The following ADCY9 variants were observed in gnomAD, a reference collection of about 807,000 sequenced individuals.
ADCY9 encodes the protein adenylate cyclase 9.
Under a neutral mutation model 101.5 loss-of-function variants are expected in ADCY9, and 50 were observed. The observed-to-expected ratio is 0.49, with a 90% CI of 0.39 to 0.62. The LOEUF (loss-of-function observed/expected upper bound fraction) is 0.62, where lower values mean the gene tolerates loss of function less well. Among genes scored for constraint, ADCY9 ranks in the 20% least tolerant of loss-of-function variants. The pLI, the probability that ADCY9 is intolerant of heterozygous loss-of-function variation, is 0.00. For missense variants in ADCY9, 1,662 were observed against 1,800.4 expected (o/e 0.92, Z 1.39); for synonymous variants, 905 against 769.3 (o/e 1.18, Z -2.92).
chr16:4,038,477 G>A (rs900280413), intron 2 of ADCY9, among the ~76,000 whole-genome samples: 1 of 152,092 alleles, frequency 6.6e-6, no homozygotes, highest in East Asian at 1.9e-4. Context: ...CCAATGCCAA[G>A]GCCTCGATCC....
At chr16:3,968,991 G>C (rs538242246) in intron 10 of ADCY9, among the ~76,000 whole-genome samples, 1 of 152,136 alleles carries the variant, frequency 6.6e-6, no homozygotes, top group East Asian at 1.9e-4. Flanking sequence ...GACTACAGGT[G>C]CACGCCACCA....
downstream of ADCY9, among the ~76,000 whole-genome samples, chr16:3,961,639 G>T (rs373298640): frequency 6.6e-6 from 1 of 152,054 alleles, no homozygotes; most frequent in African/African-American, 2.4e-5. Context: ...CTGCACCCCC[G>T]CAAGTCCATG....
At chr16:4,003,015 T>C (rs2056341394) in intron 3 of ADCY9, among the ~76,000 whole-genome samples, 1 of 152,182 alleles carries the variant, frequency 6.6e-6, no homozygotes, top group Non-Finnish European at 1.5e-5. Flanking sequence ...TGAGCCCAGT[T>C]GGGTTTTCTT....
At chr16:4,001,008 C>CACACACACAT (rs3222326) in intron 3 of ADCY9, among the ~76,000 whole-genome samples, 1,685 of 135,546 alleles carry the variant, frequency 0.012, 16 homozygotes, top group Admixed American at 0.023. Context: ...CACACACACA[C>CACACACACAT]ATATATAATT....
At chr16:4,030,114 T>G (rs1032790959) in intron 2 of ADCY9, among the ~76,000 whole-genome samples, 1 of 152,120 alleles carries the variant, frequency 6.6e-6, no homozygotes, top group Non-Finnish European at 1.5e-5. Context: ...CCGATGGAAG[T>G]TGAAGACACT....
At chr16:4,010,338 T>C (rs1490184456) in intron 2 of ADCY9, among the ~76,000 whole-genome samples, 1 of 152,180 alleles carries the variant, frequency 6.6e-6, no homozygotes, top group Admixed American at 6.5e-5. Flanking sequence ...CAGGGAGGCC[T>C]GAAGAGCTGG....
intron 2 of ADCY9, among the ~76,000 whole-genome samples, chr16:4,027,510 A>C (rs2056524187): frequency 6.6e-6 from 1 of 152,228 alleles, no homozygotes; most frequent in Non-Finnish European, 1.5e-5. Context: ...GCAGAGGGCA[A>C]GGAGGAGCAA....
At chr16:4,027,855 T>C (rs1252365692) in intron 2 of ADCY9, among the ~76,000 whole-genome samples, 1 of 145,682 alleles carries the variant, frequency 6.9e-6, no homozygotes, top group Non-Finnish European at 1.5e-5. Flanking sequence ...CCAGCCTGGG[T>C]GACAAGAGCA....
At chr16:4,097,487 T>TATATATATATATATATACAC (rs76750792) in intron 2 of ADCY9, among the ~76,000 whole-genome samples, 1 of 72,506 alleles carries the variant, frequency 1.4e-5, no homozygotes, top group Non-Finnish European at 2.7e-5. Flanking sequence ...TATATATATA[T>TATATATATATATATATACAC]ACACACACAC....
At chr16:3,989,377 T>A (rs1467897510) in intron 5 of ADCY9, among the ~76,000 whole-genome samples, 2 of 150,300 alleles carry the variant, frequency 1.3e-5, no homozygotes, top group African/African-American at 4.9e-5. Context: ...CTTGGTTTTT[T>A]GGGGTTTTTT....
chr16:4,081,202 C>T (rs1396011500), intron 2 of ADCY9, among the ~76,000 whole-genome samples: 1 of 152,176 alleles, frequency 6.6e-6, no homozygotes, highest in Non-Finnish European at 1.5e-5. Flanking sequence ...CACATCTGCT[C>T]TCGTGGAACA....
chr16:4,094,234 G>A (rs757859729), intron 2 of ADCY9, among the ~76,000 whole-genome samples: 2 of 152,038 alleles, frequency 1.3e-5, no homozygotes, highest in East Asian at 3.9e-4. Context: ...CACGGAGTCA[G>A]TCACTCACTT....
chr16:4,078,024 A>C (rs1267291915), intron 2 of ADCY9, among the ~76,000 whole-genome samples: 1 of 152,010 alleles, frequency 6.6e-6, no homozygotes, highest in Non-Finnish European at 1.5e-5. Context: ...ATTCAGACAC[A>C]ATAAGCATTC....
chr16:4,049,571 A>AAG lies in ADCY9; in HGVS notation c.1694-42015_1694-42014dup, dbSNP rs1169018148. The stretch of plus-strand genomic sequence containing the variant: ...TACTTCTGAGCCGAAACCACGTGAA[A>AAG]AGATTTTTCTTCTGACTACAAGGCA... On this transcript the variant is annotated intron_variant, in intron 2 of 10. Transcript: ENST00000294016. Among the ~76,000 whole-genome samples, 4 of 152,138 alleles carry AAG rather than the reference A, an allele frequency of 2.6e-5. No homozygotes were observed. In the East Asian group the frequency reaches 5.8e-4, roughly 22 times the overall value.
At chr16:4,097,544 TATATATA>T (rs1412642010) in intron 2 of ADCY9, among the ~76,000 whole-genome samples, 2 of 50,256 alleles carry the variant, frequency 4.0e-5, no homozygotes, top group African/African-American at 2.6e-4. Flanking sequence ...TATATATATA[TATATATA>T]TATTTTTTTT....
At chr16:4,046,225 GCACAGTGCCCAGCACTGAACCACGGCA>G (rs1260664622) in intron 2 of ADCY9, among the ~76,000 whole-genome samples, 1 of 152,088 alleles carries the variant, frequency 6.6e-6, no homozygotes, top group Non-Finnish European at 1.5e-5. Context: ...GAAGCAATCA[GCACAGTGCCCAGCACTGAACCACGGCA>G]CACAGTGCCC....
intron 3 of ADCY9, among the ~76,000 whole-genome samples, chr16:4,005,183 T>C (rs887575094): frequency 3.9e-5 from 6 of 152,148 alleles, no homozygotes; most frequent in Admixed American, 1.3e-4. Context: ...CTTTCTGTGT[T>C]GAATATCCCA....
intron 2 of ADCY9, among the ~76,000 whole-genome samples, chr16:4,014,939 C>CTTTTTT (rs578260761): frequency 0.012 from 1,093 of 93,208 alleles, 64 homozygotes; most frequent in African/African-American, 0.022. Context: ...CTGTTTTGGC[C>CTTTTTT]TTTTTTTTTT....
chr16:4,001,002 C>CACACACAT (rs1465027317), intron 3 of ADCY9, among the ~76,000 whole-genome samples: 2 of 150,924 alleles, frequency 1.3e-5, no homozygotes, highest in East Asian at 1.9e-4. Flanking sequence ...CACACACACA[C>CACACACAT]ACACACATAT....
Sources: gnomAD v4.1 joint callset for allele counts (sites outside exome capture counted in the v4.1 genomes callset) on GRCh38, gnomAD v4.1.1 for gene constraint, MANE v1.5 for transcripts, NCBI Gene and HGNC (gene_info 2026-07-23, HGNC 2026-07-21) for gene names.